The following EPHA6 variants were observed in gnomAD, a reference collection of about 807,000 sequenced individuals.
EPHA6 encodes ephrin type-A receptor 6.
In EPHA6, 50 loss-of-function variants were observed where a neutral mutation model predicts 112.0. That is an observed-to-expected ratio of 0.45 (90% CI 0.36 to 0.56). The LOEUF (loss-of-function observed/expected upper bound fraction) is 0.56, where lower values mean the gene tolerates loss of function less well. Ranked by LOEUF, EPHA6 falls within the 20% of genes least tolerant of loss-of-function variation. The probability of loss-of-function intolerance (pLI) is 0.00; values close to 1 mark genes in which losing one functional copy is unlikely to be tolerated. For missense variants in EPHA6, 1,280 were observed against 1,417.4 expected (o/e 0.90, Z 1.56); for synonymous variants, 529 against 490.7 (o/e 1.08, Z -1.03).
intron 3 of EPHA6, among the ~76,000 whole-genome samples, chr3:97,150,299 A>G (rs2076141205): frequency 6.6e-6 from 1 of 152,124 alleles, no homozygotes; most frequent in African/African-American, 2.4e-5. Context: ...TCTATATATC[A>G]TCTAAGTTTC....
intron 3 of EPHA6, among the ~76,000 whole-genome samples, chr3:97,185,096 T>G (rs958170549): frequency 2.0e-5 from 3 of 150,386 alleles, no homozygotes; most frequent in African/African-American, 7.3e-5. Context: ...ATGTTAGACC[T>G]AAAGCCATAA....
intron 2 of EPHA6, among the ~76,000 whole-genome samples, chr3:96,939,883 G>A (rs1310190134): frequency 2.0e-5 from 3 of 152,150 alleles, no homozygotes; most frequent in African/African-American, 4.8e-5. Context: ...TCAGGAGCAG[G>A]TTGTTCAGTT....
rs1299031463 is a variant in EPHA6, at chr3:97,560,358, G to T, written c.2386+27815G>T. ...GTATGGGTTTTGTTCAACAGATAGT[G>T]TGATTGTGAAACTAGAGCATCTAAA... is the stretch of plus-strand genomic sequence containing the variant. On this transcript the variant is annotated intron_variant, in intron 11 of 17. Coordinates refer to ENST00000389672, the MANE Select transcript of EPHA6 (RefSeq NM_001080448.3). 2.0e-5 allele frequency: 3 copies of T among 151,964 alleles called. No homozygotes were observed. In the Admixed American group the frequency reaches 2.0e-4, roughly 10 times the overall value. 9.4% of individuals were successfully genotyped at this position (151,964 alleles called of 1,614,324 possible).
chr3:96,968,314 C>T (rs2107774874), intron 2 of EPHA6, among the ~76,000 whole-genome samples: 1 of 151,302 alleles, frequency 6.6e-6, no homozygotes, highest in East Asian at 1.9e-4. Context: ...ATGTGTATTG[C>T]TTTGCTTATT....
intron 8 of EPHA6, 140 bp downstream of exon 8, chr3:97,475,600 A>G: frequency 1.7e-6 from 1 of 575,040 alleles, no homozygotes. Flanking sequence ...CTGACAGTGA[A>G]CCATCATTAG....
At chr3:96,887,234 T>C (rs2037681889) in intron 2 of EPHA6, among the ~76,000 whole-genome samples, 1 of 151,788 alleles carries the variant, frequency 6.6e-6, no homozygotes, top group African/African-American at 2.4e-5. Context: ...CAGAGGGAGG[T>C]TCTAAGGCTG....
At chr3:96,982,360 T>C (rs1221706259) in intron 2 of EPHA6, among the ~76,000 whole-genome samples, 1 of 152,188 alleles carries the variant, frequency 6.6e-6, no homozygotes, top group Middle Eastern at 3.4e-3. Flanking sequence ...TGTAGTTGAG[T>C]GGTTTTGAGT....
At chr3:97,361,276 G>C (rs1015444660) in intron 5 of EPHA6, among the ~76,000 whole-genome samples, 1 of 152,098 alleles carries the variant, frequency 6.6e-6, no homozygotes, top group African/African-American at 2.4e-5. Flanking sequence ...GGCTCTAATA[G>C]CATCCCCAAA....
chr3:97,671,948 A>G lies in EPHA6; in HGVS notation c.2784+33866A>G, dbSNP rs374456905. ...GTTTAGATTCTCATTTCAGTCTGAC[A>G]CCTTTGACTGCCCCACTGTGGCTGC... On this transcript the variant is annotated intron_variant, in intron 14 of 17. Transcript: ENST00000389672. 2.2e-4 allele frequency among the ~76,000 whole-genome samples: 34 copies of G among 152,258 alleles called. No individual in the cohort carries two copies. The South Asian group carries it at 2.7e-3, about 12-fold the overall frequency.
chr3:96,863,832 A>G (rs1267269240), intron 1 of EPHA6, among the ~76,000 whole-genome samples: 1 of 152,072 alleles, frequency 6.6e-6, no homozygotes, highest in African/African-American at 2.4e-5. Flanking sequence ...TTCAATACGC[A>G]TTAGAGATTT....
chr3:97,701,871 T>C (rs560495995), intron 14 of EPHA6, among the ~76,000 whole-genome samples: 1 of 152,262 alleles, frequency 6.6e-6, no homozygotes, highest in South Asian at 2.1e-4. Context: ...TGTATAGTGA[T>C]TCCAAGCCAT....
At chr3:97,417,489 G>C (rs1216720105) in intron 6 of EPHA6, among the ~76,000 whole-genome samples, 1 of 152,126 alleles carries the variant, frequency 6.6e-6, no homozygotes, top group African/African-American at 2.4e-5. Flanking sequence ...AATAATGCCA[G>C]AGTAGGCATT....
At chr3:97,643,331 A>G (rs1407329746) in intron 14 of EPHA6, among the ~76,000 whole-genome samples, 11 of 152,188 alleles carry the variant, frequency 7.2e-5, no homozygotes, top group Non-Finnish European at 1.6e-4. Flanking sequence ...CAGCCACTGC[A>G]AAATCATGCC....
At chr3:97,667,553 A>G (rs1444029804) in intron 14 of EPHA6, among the ~76,000 whole-genome samples, 1 of 152,250 alleles carries the variant, frequency 6.6e-6, no homozygotes, top group African/African-American at 2.4e-5. Context: ...CTAAAAAGAC[A>G]TAGACACATT....
chr3:96,950,389 G>C (rs1467549118), intron 2 of EPHA6, among the ~76,000 whole-genome samples: 1 of 152,072 alleles, frequency 6.6e-6, no homozygotes, highest in African/African-American at 2.4e-5. Flanking sequence ...CACAATACTG[G>C]TATACTGGTG....
chr3:97,049,488 G>A (rs1190087258), intron 3 of EPHA6, among the ~76,000 whole-genome samples: 1 of 152,188 alleles, frequency 6.6e-6, no homozygotes, highest in African/African-American at 2.4e-5. Context: ...AGTTGTAAGT[G>A]CAGATAGCGC....
At chr3:97,587,893 G>T (rs1245409617) in intron 11 of EPHA6, among the ~76,000 whole-genome samples, 1 of 152,036 alleles carries the variant, frequency 6.6e-6, no homozygotes, top group Admixed American at 6.6e-5. Flanking sequence ...TGCCCTGATT[G>T]TTCAAGCCCT....
At chr3:96,884,083 T>C (rs2037482654) in intron 2 of EPHA6, among the ~76,000 whole-genome samples, 1 of 152,202 alleles carries the variant, frequency 6.6e-6, no homozygotes, top group African/African-American at 2.4e-5. Context: ...TCTATGTGCC[T>C]GTTTTTGTGC....
At position 97,562,415 on chromosome 3, in the gene EPHA6, C is replaced by T. The variant is rs185527524; in HGVS notation, c.2386+29872C>T. Among the ~76,000 whole-genome samples, 393 of 152,240 alleles carry T rather than the reference C, an allele frequency of 2.6e-3. 1 individual carries two copies. Among genetic ancestry groups the T allele is most frequent in the African/African-American group, 8.8e-3 (367 of 41,558 alleles). ...ATGGATGCTTTTGAGGGGTTCAAGA[C>T]TTCAGTGGAAAAAGTAACTGCAGAT... On this transcript the variant is annotated intron_variant, in intron 11 of 17. Coordinates refer to ENST00000389672, the MANE Select transcript of EPHA6 (RefSeq NM_001080448.3).
Sources: gnomAD v4.1 joint callset for allele counts (sites outside exome capture counted in the v4.1 genomes callset) on GRCh38, gnomAD v4.1.1 for gene constraint, MANE v1.5 for transcripts, NCBI Gene and HGNC (gene_info 2026-07-23, HGNC 2026-07-21) for gene names.